The following SMG5 variants were observed in gnomAD, a reference collection of about 807,000 sequenced individuals.
The protein encoded by SMG5 is nonsense-mediated mRNA decay factor SMG5.
A neutral mutation model predicts 122.9 loss-of-function variants in SMG5; 53 were observed. The ratio of observed to expected loss-of-function variants is 0.43; its 90% CI spans 0.35 to 0.54. SMG5 has a LOEUF of 0.54. Among genes scored for constraint, SMG5 ranks in the 20% least tolerant of loss-of-function variants. The pLI, the probability that SMG5 is intolerant of heterozygous loss-of-function variation, is 0.01. For missense variants in SMG5, 1,153 were observed against 1,285.6 expected, an observed-to-expected ratio of 0.90 and a Z score of 1.58; for synonymous variants, 477 against 490.2, an observed-to-expected ratio of 0.97 and a Z score of 0.35.
At chr1:156,283,700 C>T (rs1190068512), upstream of SMG5, among the ~76,000 whole-genome samples, 1 of 152,182 alleles carries the variant, frequency 6.6e-6, no homozygotes, top group Non-Finnish European at 1.5e-5. Context: ...TACCACTATG[C>T]TCCTGGCTGC....
intron 1 of SMG5, among the ~76,000 whole-genome samples, chr1:156,280,616 T>C (rs1474105564): frequency 6.6e-6 from 1 of 152,210 alleles, no homozygotes; most frequent in Non-Finnish European, 1.5e-5. Context: ...TTTGGTGCCA[T>C]GGAAAGAGCT....
intron 1 of SMG5, among the ~76,000 whole-genome samples, chr1:156,282,340 C>T (rs1662989524): frequency 6.6e-6 from 1 of 152,128 alleles, no homozygotes. Flanking sequence ...ATTACCCCAA[C>T]TCCACCAAGC....
At chr1:156,259,783 G>GC (rs1405760556) in intron 15 of SMG5, among the ~76,000 whole-genome samples, 3 of 152,128 alleles carry the variant, frequency 2.0e-5, no homozygotes, top group Non-Finnish European at 4.4e-5. Context: ...ACCTGCCTTG[G>GC]CCCCCAACCA....
upstream of SMG5, chr1:156,286,099 C>T (rs1295499944): frequency 6.2e-6 from 9 of 1,447,944 alleles, no homozygotes; most frequent in Admixed American, 7.7e-5. Context: ...TCAGGGTCTC[C>T]CACCCCCTGC....
chr1:156,286,543 G>A (rs982353587), upstream of SMG5: 13 of 1,504,118 alleles, frequency 8.6e-6, no homozygotes, highest in Admixed American at 1.0e-4. Flanking sequence ...CTGAATGTCT[G>A]GAGAGCCAGG....
intron 12 of SMG5, among the ~76,000 whole-genome samples, chr1:156,265,034 A>ATACACAC: frequency 2.1e-5 from 1 of 46,520 alleles, no homozygotes; most frequent in South Asian, 7.6e-4. Context: ...TCAAAAAAAA[A>ATACACAC]ATACACACAC....
upstream of SMG5, chr1:156,286,439 CT>C: frequency 6.2e-7 from 1 of 1,614,222 alleles, no homozygotes; most frequent in South Asian, 1.1e-5. Flanking sequence ...CCTCAAACTG[CT>C]CCCTCTGCTC....
the SMG5 span, chr1:156,291,381 A>G: frequency 6.2e-7 from 1 of 1,613,458 alleles, no homozygotes; most frequent in Non-Finnish European, 8.5e-7. Flanking sequence ...TCTTGCCCCC[A>G]TAGGCTGATC....
the SMG5 span, among the ~76,000 whole-genome samples, chr1:156,288,501 AT>A: frequency 3.3e-5 from 5 of 151,290 alleles, no homozygotes; most frequent in African/African-American, 1.2e-4. Flanking sequence ...TGCCCAGCTA[AT>A]TTTTTTTGTA....
At chr1:156,255,278 T>C (rs1661531362) in intron 16 of SMG5, among the ~76,000 whole-genome samples, 2 of 151,176 alleles carry the variant, frequency 1.3e-5, no homozygotes. Context: ...CAGTGGCTCA[T>C]GCCTGTAATC....
chr1:156,261,089 T>C (rs1661803596), intron 14 of SMG5, among the ~76,000 whole-genome samples: 1 of 152,234 alleles, frequency 6.6e-6, no homozygotes, highest in Admixed American at 6.5e-5. Context: ...CCTCTCACTC[T>C]GCCCTTGCAT....
rs376125703 is a variant in SMG5 at position 156,261,320 on chromosome 1, G to A, written c.2107+13C>T. On this transcript the variant is annotated intron_variant, in intron 14 of 21. Transcript: ENST00000361813. Reference sequence around the variant, plus strand: ...GAGCAAAGAAAGGAGGGTAGTGCCAGGGACCCACTCACCAGACTCCTGGAG... The same window carrying A: ...GAGCAAAGAAAGGAGGGTAGTGCCAAGGACCCACTCACCAGACTCCTGGAG... The A allele has an allele frequency of 2.1e-5, 34 of 1,613,502 alleles. No homozygotes were observed. The highest frequency in any genetic ancestry group is 2.9e-5 in the Non-Finnish European group (34 of 1,179,412).
chr1:156,255,283 G>T (rs1275271247), intron 16 of SMG5, among the ~76,000 whole-genome samples: 2 of 151,842 alleles, frequency 1.3e-5, no homozygotes, highest in African/African-American at 4.8e-5. Flanking sequence ...GCTCATGCCT[G>T]TAATCCCAGC....
chr1:156,275,623 G>A (rs1216742846), intron 4 of SMG5, among the ~76,000 whole-genome samples: 4 of 152,162 alleles, frequency 2.6e-5, no homozygotes, highest in Non-Finnish European at 5.9e-5. Context: ...ATTTGGAAAA[G>A]CCAGTCCTAA....
At position 156,252,841 on chromosome 1, in the gene SMG5, C is replaced by G. The variant is rs188428144; in HGVS notation, c.2662+78G>C. Reference sequence around the variant, plus strand: ...AAGGTTACTGCATATAAACTGGGCCCCAAATAAGGTCTCTTAATCCCAAGC... The same window carrying G: ...AAGGTTACTGCATATAAACTGGGCCGCAAATAAGGTCTCTTAATCCCAAGC... On this transcript the variant is annotated intron_variant, in intron 18 of 21. Coordinates refer to ENST00000361813, the MANE Select transcript of SMG5 (RefSeq NM_015327.3). 4.0e-4 allele frequency: 573 copies of G among 1,421,060 alleles called. 4 individuals carry two copies. The African/African-American group carries it at 7.7e-3, about 19-fold the overall frequency. The allele number at this position is 1,421,060 out of a possible 1,614,324, so 88.0% of individuals were successfully genotyped here. A position where few individuals can be genotyped will look rare whatever the true frequency, so the allele number is the denominator to read the frequency against.
chr1:156,265,712 G>T, intron 12 of SMG5, 69 bp downstream of exon 12: 2 of 1,551,662 alleles, frequency 1.3e-6, no homozygotes, highest in Non-Finnish European at 1.7e-6. Context: ...ATAGGAAAGC[G>T]GCCTCTCTGG....
rs1225465731 is a variant in SMG5 at position 156,250,449 on chromosome 1, C to T, written c.*138G>A. 1 of 779,188 alleles carries T rather than the reference C, an allele frequency of 1.3e-6. No individual in the cohort carries two copies. Among genetic ancestry groups the T allele is most frequent in the Non-Finnish European group, 2.2e-6 (1 of 456,652 alleles). 48.3% of individuals were successfully genotyped at this position (779,188 alleles called of 1,614,324 possible). On this transcript the variant is annotated 3_prime_UTR_variant, in exon 22 of 22. Coordinates refer to ENST00000361813, the MANE Select transcript of SMG5 (RefSeq NM_015327.3). ...CCGGCTCCTGGGCCCTCCCTGCAGC[C>T]TCTGAGCAGCTAGGCCTCCCTCCTG...
chr1:156,259,009 C>A lies in SMG5; in HGVS notation c.2438G>T (p.Arg813Leu). ...GGAGGGGAAGGCCTGACTCACCATTCGGAACTGTGCCTGGGCCTGCTGCAG... is the reference window on the plus strand; with the variant it reads ...GGAGGGGAAGGCCTGACTCACCATTAGGAACTGTGCCTGGGCCTGCTGCAG... The part of the protein sequence containing the change: ...SLLQQAQAQF[R>L]MAQEEARRNR... The change falls in exon 16 of 22, where the codon CGA (arginine) becomes CTA (leucine). Residue 813 changes from arginine (R) to leucine (L), a missense_variant. Physicochemically the swap from Arg to Leu is moderately radical, Grantham distance 102. Around this residue, in one of 5 missense-constraint regions of SMG5, gnomAD observed 140 missense variants for 227.8 expected, o/e 0.61. Coordinates refer to ENST00000361813, the MANE Select transcript of SMG5 (RefSeq NM_015327.3). The A allele has an allele frequency of 6.2e-7, 1 of 1,613,730 alleles. No homozygotes were observed.
At chr1:156,260,650 G>A (rs758048096) in intron 14 of SMG5, 24 bp from the exon 15 acceptor site, 1 of 1,483,306 alleles carries the variant, frequency 6.7e-7, no homozygotes, top group Admixed American at 2.6e-5. Context: ...GGACACATAA[G>A]ACCATCTGTC....
Sources: allele counts gnomAD v4.1 joint callset (sites outside exome capture counted in the v4.1 genomes callset), GRCh38; gene constraint gnomAD v4.1.1; regional missense constraint gnomAD v4.1.1; transcripts MANE v1.5; gene names NCBI Gene and HGNC (gene_info 2026-07-23, HGNC 2026-07-21).